IFT27: variants seen among roughly 807,000 people sequenced by gnomAD.
IFT27 encodes intraflagellar transport 27, also known as intraflagellar transport protein 27 homolog.
Under a neutral mutation model 23.9 loss-of-function variants are expected in IFT27, and 19 were observed. The ratio of observed to expected loss-of-function variants is 0.79; its 90% CI spans 0.55 to 1.16. The LOEUF (loss-of-function observed/expected upper bound fraction) is 1.16. Among genes scored for constraint, IFT27 ranks in the 50% most tolerant of loss-of-function variants. IFT27 has a pLI of 0.00. For missense variants in IFT27, 206 were observed against 228.7 expected (o/e 0.90, Z 0.64); for synonymous variants, 91 against 89.1 (o/e 1.02, Z -0.12).
intron 1 of IFT27, chr22:36,772,418 T>C (rs1414739472): frequency 1.3e-6 from 1 of 784,248 alleles, no homozygotes; most frequent in Non-Finnish European, 1.5e-6. Context: ...GTTATGAGGA[T>C]TTAATGAGTT....
intron 3 of IFT27, 52 bp from the exon 4 acceptor site, chr22:36,766,249 G>A (rs748001912): frequency 6.8e-6 from 10 of 1,476,388 alleles, no homozygotes; most frequent in Admixed American, 1.7e-5. Flanking sequence ...CACAAGCTAC[G>A]AGTCACTGGT....
intron 1 of IFT27, among the ~76,000 whole-genome samples, chr22:36,770,888 G>A (rs960677835): frequency 1.7e-4 from 26 of 152,292 alleles, no homozygotes; most frequent in African/African-American, 6.3e-4. Flanking sequence ...CCCTTGCTAG[G>A]AGCTTCCTGT....
In IFT27 at chr22:36,763,941, C is replaced by T; in HGVS notation, c.330G>A (p.Gln110=). 1 of 1,613,520 alleles carries T rather than the reference C, an allele frequency of 6.2e-7. No individual in the cohort carries two copies. The highest frequency in any genetic ancestry group is 8.5e-7 in the Non-Finnish European group (1 of 1,179,384). The part of the protein sequence containing the change: ...CSKWLEKARS[Q]APGISLPGVL... The stretch of plus-strand genomic sequence containing the variant: ...TACCTGGGAGAGAGATGCCTGGAGC[C>T]TGTGACCGAGCCTTCTCCAGCCACT... Residue 110 remains glutamine, a synonymous_variant, in exon 5 of 7, where the codon CAG becomes CAA. Coordinates refer to ENST00000433985, the MANE Select transcript of IFT27 (RefSeq NM_001177701.3).
At chr22:36,768,847 C>A (rs1006270732) in intron 1 of IFT27, among the ~76,000 whole-genome samples, 9 of 152,218 alleles carry the variant, frequency 5.9e-5, no homozygotes, top group Non-Finnish European at 1.2e-4. Flanking sequence ...CAGGTCCTGG[C>A]AGAACACGTG....
intron 1 of IFT27, among the ~76,000 whole-genome samples, chr22:36,769,480 G>A (rs997482546): frequency 6.6e-6 from 1 of 152,058 alleles, no homozygotes; most frequent in Non-Finnish European, 1.5e-5. Flanking sequence ...TTAGCCTCCC[G>A]AGTAGCTGGG....
Position 36,762,941 on chromosome 22 carries a change from G to T in IFT27, c.425C>A (p.Ala142Glu). 1 of 1,595,036 alleles carries T rather than the reference G, an allele frequency of 6.3e-7. No individual in the cohort carries two copies. Residue 142 changes from alanine (A) to glutamate (E), a missense_variant, in exon 6 of 7, where the codon GCG (alanine) becomes GAG (glutamate). By Grantham distance (107) the Ala-to-Glu change is moderately radical. Coordinates refer to ENST00000433985, the MANE Select transcript of IFT27 (RefSeq NM_001177701.3). ...AAAACATTCCAGGCCCTGGCCCAGC[G>T]CCCATGCCCGGGCCTCAGCTGAGTC... ...AVDSAEARAW[A>E]LGQGLECFET...
chr22:36,769,543 C>T (rs927012701), intron 1 of IFT27, among the ~76,000 whole-genome samples: 8 of 152,272 alleles, frequency 5.3e-5, no homozygotes, highest in African/African-American at 1.9e-4. Flanking sequence ...TTAGTAGAGA[C>T]GGGGTTTCAC....
chr22:36,775,767 G>A lies in IFT27; in HGVS notation c.-60C>T. 11 of 1,581,612 alleles carry A rather than the reference G, an allele frequency of 7.0e-6. No individual in the cohort carries two copies. The highest frequency in any genetic ancestry group is 9.6e-6 in the Non-Finnish European group (11 of 1,150,604). On this transcript the variant is annotated 5_prime_UTR_variant, in exon 1 of 7. Coordinates refer to ENST00000433985, the MANE Select transcript of IFT27 (RefSeq NM_001177701.3). ...ACAAGAGCGGCTGCTAGAGACGCGA[G>A]TGGGTGGGCTTCGGGCCCTGGGCTG... is the stretch of plus-strand genomic sequence containing the variant.
intron 4 of IFT27, 56 bp from the exon 5 acceptor site, chr22:36,764,092 G>A: frequency 7.6e-7 from 1 of 1,312,786 alleles, no homozygotes; most frequent in Non-Finnish European, 1.1e-6. Flanking sequence ...TGACTTCAAG[G>A]CTGGGAGACA....
intron 1 of IFT27, among the ~76,000 whole-genome samples, chr22:36,771,595 G>A (rs999366470): frequency 1.4e-4 from 21 of 152,074 alleles, no homozygotes; most frequent in African/African-American, 4.8e-4. Context: ...TCAGGGGTCC[G>A]GATCCCAGCT....
In IFT27 at chr22:36,766,171, G is replaced by C; in HGVS notation, c.201C>G (p.Gly67=). 2 of 1,614,158 alleles carry C rather than the reference G, an allele frequency of 1.2e-6. No individual in the cohort carries two copies. The highest frequency in any genetic ancestry group is 1.7e-6 in the Non-Finnish European group (2 of 1,180,020). ...SVELFIFDSA[G]KELFSEMLDK... is the part of the protein sequence containing the mutation. ...CCAGCATTTCCGAAAACAGCTCCTT[G>C]CCAGCAGAGTCAAAAATGAAGAGTT... Residue 67 remains glycine, a synonymous_variant, in exon 4 of 7, where the codon GGC becomes GGG. Coordinates refer to ENST00000433985, the MANE Select transcript of IFT27 (RefSeq NM_001177701.3).
intron 1 of IFT27, 95 bp from the exon 2 acceptor site, chr22:36,767,957 C>T: frequency 8.7e-7 from 1 of 1,150,220 alleles, no homozygotes; most frequent in South Asian, 1.2e-5. Flanking sequence ...CCAAAAACTT[C>T]AATGAGTTTT....
Position 36,767,794 on chromosome 22 carries a change from T to C in IFT27, c.103A>G (p.Ser35Gly). The C allele has an allele frequency of 6.2e-7, 1 of 1,614,128 alleles. No individual in the cohort carries two copies. Among genetic ancestry groups the C allele is most frequent in the East Asian group, 2.2e-5 (1 of 44,884 alleles). The change falls in exon 2 of 7, where the codon AGC (serine) becomes GGC (glycine). Residue 35 changes from serine to glycine, a missense_variant. Coordinates refer to ENST00000433985, the MANE Select transcript of IFT27 (RefSeq NM_001177701.3). Reference sequence around the variant, plus strand: ...ACACCCCAGCTCACCAGGGTGTAGCTTTTCTGGAAATGGGCTCCATCACTG... The same window carrying C: ...ACACCCCAGCTCACCAGGGTGTAGCCTTTCTGGAAATGGGCTCCATCACTG... ...FRSDGAHFQKSYTLTTGMDLV... is the reference protein window; with the variant it reads ...FRSDGAHFQKGYTLTTGMDLV...
intron 1 of IFT27, chr22:36,768,202 C>A (rs1410212562): frequency 7.0e-6 from 3 of 428,822 alleles, no homozygotes; most frequent in Non-Finnish European, 1.4e-5. Context: ...GCTGTCACTT[C>A]CAAACTGGAA....
chr22:36,774,934 G>A (rs545626653), intron 1 of IFT27, among the ~76,000 whole-genome samples: 1 of 152,144 alleles, frequency 6.6e-6, no homozygotes, highest in African/African-American at 2.4e-5. Flanking sequence ...TATGTGTTTC[G>A]CAGTCTATAA....
In IFT27 at chr22:36,767,373, G is replaced by A; in HGVS notation, c.115-8C>T. On this transcript the variant is annotated splice_polypyrimidine_tract_variant and splice_region_variant and intron_variant, in intron 2 of 6. Coordinates refer to ENST00000433985, the MANE Select transcript of IFT27 (RefSeq NM_001177701.3). ...CAAATCCATTCCTGTTGTCTGCCGA[G>A]GAACACCAAGAATGTTAGCACTGAG... is the stretch of plus-strand genomic sequence containing the variant. The A allele has an allele frequency of 1.2e-6, 2 of 1,610,620 alleles. No homozygotes were observed. The highest frequency in any genetic ancestry group is 1.7e-6 in the Non-Finnish European group (2 of 1,178,002).
At position 36,775,555 on chromosome 22, in the gene IFT27, CG is replaced by C. The variant is rs1481492474; in HGVS notation, c.34+118del. On this transcript the variant is annotated intron_variant, in intron 1 of 6. Coordinates refer to ENST00000433985, the MANE Select transcript of IFT27 (RefSeq NM_001177701.3). ...TACTGTATCAGTAATTGCAGTAACT[CG>C]CCTTTGGGAGAGAGAAAGGAAAAGG... 2.9e-5 allele frequency: 31 copies of C among 1,051,926 alleles called. No individual in the cohort carries two copies. The East Asian group carries it at 7.2e-4, about 25-fold the overall frequency. 65.2% of individuals were successfully genotyped at this position (1,051,926 alleles called of 1,614,324 possible).
rs1440356071 is a variant in IFT27 at position 36,775,791 on chromosome 22, T to G, written c.-84A>C. ...AGTGGGTGGGCTTCGGGCCCTGGGC[T>G]GGCCTGGGACGGGAAGGTGGGGAGG... On this transcript the variant is annotated 5_prime_UTR_variant, in exon 1 of 7. Transcript: ENST00000433985. 1.4e-6 allele frequency: 2 copies of G among 1,421,354 alleles called. No homozygotes were observed. The highest frequency in any genetic ancestry group is 1.4e-5 in the African/African-American group (1 of 70,800). The allele number at this position is 1,421,354 out of a possible 1,614,324, so 88.0% of individuals were successfully genotyped here. A position where few individuals can be genotyped will look rare whatever the true frequency, so the allele number is the denominator to read the frequency against.
chr22:36,763,306 G>A (rs3926888), intron 5 of IFT27: 254,878 of 330,582 alleles, frequency 0.77, 100,096 homozygotes, highest in East Asian at 0.93. Context: ...GCCTGAAGGC[G>A]AGGGCCAAAT....
Sources: allele counts gnomAD v4.1 joint callset (sites outside exome capture counted in the v4.1 genomes callset), GRCh38; gene constraint gnomAD v4.1.1; transcripts MANE v1.5; gene names NCBI Gene and HGNC (gene_info 2026-07-23, HGNC 2026-07-21).